SLC30A8: variants seen among roughly 807,000 people sequenced by gnomAD.
The protein encoded by SLC30A8 is solute carrier family 30 member 8.
SLC30A8 carries 27 observed loss-of-function variants against 36.9 expected under a neutral mutation model. That is an observed-to-expected ratio of 0.73 (90% CI 0.54 to 1.01). SLC30A8 has a LOEUF of 1.01. Among genes scored for constraint, SLC30A8 ranks in the 50% least tolerant of loss-of-function variants. SLC30A8 has a pLI of 0.00. For missense variants in SLC30A8, 439 were observed against 452.0 expected, an observed-to-expected ratio of 0.97 and a Z score of 0.26; for synonymous variants, 164 against 172.4, an observed-to-expected ratio of 0.95 and a Z score of 0.38.
At chr8:117,048,845 T>G (rs114641374) in intron 2 of SLC30A8, among the ~76,000 whole-genome samples, 1 of 152,322 alleles carries the variant, frequency 6.6e-6, no homozygotes, top group African/African-American at 2.4e-5. Context: ...CCTTGCAACA[T>G]TCCCGATTGG....
chr8:117,157,627 G>C (rs893150353), intron 3 of SLC30A8, 64 bp from the exon 4 acceptor site: 21 of 1,578,660 alleles, frequency 1.3e-5, no homozygotes, highest in Non-Finnish European at 1.7e-5. Flanking sequence ...ATGACTCTTG[G>C]GGGTGTAGGT....
Position 117,135,299 on chromosome 8 carries a change from A to T in SLC30A8, c.-29A>T. 4.5e-6 allele frequency: 7 copies of T among 1,563,392 alleles called. No homozygotes were observed. The highest frequency in any genetic ancestry group is 5.2e-6 in the Non-Finnish European group (6 of 1,147,576). The stretch of plus-strand genomic sequence containing the variant: ...GGGCAGTGAGTTCAACAACAACGAC[A>T]ACAACAGCCGCAGCTCATCCTGGCC... On this transcript the variant is annotated 5_prime_UTR_variant, in exon 1 of 8. Coordinates refer to ENST00000456015, the MANE Select transcript of SLC30A8 (RefSeq NM_173851.3).
At chr8:117,143,665 A>ACACACACAC (rs1821762212) in intron 1 of SLC30A8, among the ~76,000 whole-genome samples, 8 of 146,188 alleles carry the variant, frequency 5.5e-5, no homozygotes, top group Non-Finnish European at 1.2e-4. Flanking sequence ...TCTCCCATAA[A>ACACACACAC]ACACACACAC....
chr8:117,120,155 T>A (rs1265993010), intron 2 of SLC30A8, among the ~76,000 whole-genome samples: 1 of 151,638 alleles, frequency 6.6e-6, no homozygotes, highest in Non-Finnish European at 1.5e-5. Context: ...TGACACAAAA[T>A]AACTAAAGTA....
intron 1 of SLC30A8, among the ~76,000 whole-genome samples, chr8:116,980,732 A>G (rs1163285445): frequency 6.6e-6 from 1 of 152,162 alleles, no homozygotes; most frequent in Non-Finnish European, 1.5e-5. Context: ...CACTCTCAAA[A>G]CACACCCCCA....
At chr8:117,168,202 A>T (rs544086239) in intron 6 of SLC30A8, among the ~76,000 whole-genome samples, 1 of 152,112 alleles carries the variant, frequency 6.6e-6, no homozygotes, top group African/African-American at 2.4e-5. Flanking sequence ...TATCACATGC[A>T]TTTCAAAATT....
intron 2 of SLC30A8, among the ~76,000 whole-genome samples, chr8:117,067,319 T>C (rs371959226): frequency 2.0e-5 from 3 of 152,028 alleles, no homozygotes; most frequent in African/African-American, 4.8e-5. Context: ...ATAGGTGTTT[T>C]TCATGCTTGA....
At chr8:116,952,164 A>G (rs1322395496) in intron 1 of SLC30A8, among the ~76,000 whole-genome samples, 2 of 152,156 alleles carry the variant, frequency 1.3e-5, no homozygotes, top group African/African-American at 2.4e-5. Flanking sequence ...AGAAAGCTCA[A>G]TATAGTTGGT....
At chr8:117,059,874 CAG>C (rs1314367812) in intron 2 of SLC30A8, among the ~76,000 whole-genome samples, 4 of 151,976 alleles carry the variant, frequency 2.6e-5, no homozygotes, top group Non-Finnish European at 5.9e-5. Context: ...TGGGTGAAGA[CAG>C]AGATCAATGG....
At chr8:117,053,630 T>A (rs1354199389) in intron 2 of SLC30A8, among the ~76,000 whole-genome samples, 3 of 152,134 alleles carry the variant, frequency 2.0e-5, no homozygotes, top group African/African-American at 7.2e-5. Flanking sequence ...GACAAGCAAA[T>A]CATGGTAGAA....
intron 2 of SLC30A8, among the ~76,000 whole-genome samples, chr8:117,097,289 C>T (rs534590072): frequency 1.4e-5 from 2 of 144,942 alleles, no homozygotes; most frequent in African/African-American, 2.6e-5. Flanking sequence ...GTCCCAGCTA[C>T]TCGGGAGGCT....
chr8:117,111,174 T>C (rs1232828804), intron 2 of SLC30A8, among the ~76,000 whole-genome samples: 2 of 152,146 alleles, frequency 1.3e-5, no homozygotes, highest in East Asian at 3.9e-4. Flanking sequence ...ACAGGACAAA[T>C]CCTGGCACAA....
intron 2 of SLC30A8, among the ~76,000 whole-genome samples, chr8:117,063,752 C>G (rs1818087274): frequency 6.6e-6 from 1 of 152,054 alleles, no homozygotes; most frequent in South Asian, 2.1e-4. Flanking sequence ...TTTTGCTTCT[C>G]AGTTGACTGT....
chr8:116,994,759 A>G (rs1471235153), intron 1 of SLC30A8, among the ~76,000 whole-genome samples: 1 of 152,112 alleles, frequency 6.6e-6, no homozygotes, highest in Non-Finnish European at 1.5e-5. Flanking sequence ...CTGTATGTAT[A>G]TTATACCTCT....
chr8:117,076,859 T>G (rs977882359), intron 2 of SLC30A8, among the ~76,000 whole-genome samples: 1 of 152,096 alleles, frequency 6.6e-6, no homozygotes, highest in East Asian at 1.9e-4. Context: ...TGAACTAAAC[T>G]AATAAAGTGT....
At chr8:116,950,601 C>A (rs1813961965), upstream of SLC30A8, 1 of 152,086 alleles carries the variant, frequency 6.6e-6, no homozygotes, top group African/African-American at 2.4e-5. Flanking sequence ...AATTTTTATA[C>A]CAGGGAGGTT....
At chr8:117,001,902 A>T (rs1445023104) in intron 1 of SLC30A8, among the ~76,000 whole-genome samples, 1 of 152,200 alleles carries the variant, frequency 6.6e-6, no homozygotes, top group East Asian at 1.9e-4. Context: ...AAATAAAGCA[A>T]TGGTTTATTT....
At chr8:117,034,755 A>G (rs1363614106) in intron 1 of SLC30A8, among the ~76,000 whole-genome samples, 1 of 152,212 alleles carries the variant, frequency 6.6e-6, no homozygotes, top group African/African-American at 2.4e-5. Flanking sequence ...TTTATAAAGA[A>G]AAGAGGTTTA....
At chr8:117,157,970 G>T in intron 4 of SLC30A8, 126 bp downstream of exon 4, 1 of 1,047,410 alleles carries the variant, frequency 9.5e-7, no homozygotes, top group Non-Finnish European at 1.3e-6. Context: ...TGTTTGAATG[G>T]CTCTAAGATT....
Sources: gnomAD v4.1 joint callset for allele counts (sites outside exome capture counted in the v4.1 genomes callset) on GRCh38, gnomAD v4.1.1 for gene constraint, MANE v1.5 for transcripts, NCBI Gene and HGNC (gene_info 2026-07-23, HGNC 2026-07-21) for gene names.